The following ASIC2 variants were observed in gnomAD, a reference collection of about 807,000 sequenced individuals.
The protein encoded by ASIC2 is acid-sensing ion channel 2.
In ASIC2, 25 loss-of-function variants were observed where a neutral mutation model predicts 57.3. That is an observed-to-expected ratio of 0.44 (90% CI 0.32 to 0.61). The LOEUF (loss-of-function observed/expected upper bound fraction) is 0.61, where lower values mean the gene tolerates loss of function less well. Among genes scored for constraint, ASIC2 ranks in the 20% least tolerant of loss-of-function variants. The probability of loss-of-function intolerance (pLI) is 0.06; values close to 1 mark genes in which losing one functional copy is unlikely to be tolerated. For synonymous variants in ASIC2, 319 were observed against 307.5 expected, an observed-to-expected ratio of 1.04 and a Z score of -0.39; for missense variants, 641 against 738.1, an observed-to-expected ratio of 0.87 and a Z score of 1.52.
chr17:33,652,721 G>A (rs1906956859), intron 1 of ASIC2, among the ~76,000 whole-genome samples: 2 of 152,334 alleles, frequency 1.3e-5, no homozygotes, highest in East Asian at 3.9e-4. Flanking sequence ...GATGGGAGGA[G>A]ACCGTTCTTC....
At chr17:33,123,470 G>T (rs1181913490) in intron 1 of ASIC2, among the ~76,000 whole-genome samples, 2 of 152,168 alleles carry the variant, frequency 1.3e-5, no homozygotes, top group East Asian at 1.9e-4. Flanking sequence ...ATAGTAGAAT[G>T]GTGGTTGCCA....
intron 1 of ASIC2, among the ~76,000 whole-genome samples, chr17:33,805,347 CA>C (rs1479845431): frequency 2.6e-5 from 4 of 152,214 alleles, no homozygotes; most frequent in Non-Finnish European, 2.9e-5. Context: ...AGGTGAAACC[CA>C]AAGAAGGGGG....
At chr17:33,017,509 A>C in intron 8 of ASIC2, 96 bp downstream of exon 8, 1 of 992,250 alleles carries the variant, frequency 1.0e-6, no homozygotes, top group South Asian at 1.6e-5. Flanking sequence ...CTGCATGGAG[A>C]GAGGCACCGC....
chr17:33,095,720 GCTGGGCAGGGGCAGCAAAGT>G (rs1201968773), intron 2 of ASIC2, among the ~76,000 whole-genome samples: 1 of 152,236 alleles, frequency 6.6e-6, no homozygotes, highest in Non-Finnish European at 1.5e-5. Flanking sequence ...GTGCATGGGG[GCTGGGCAGGGGCAGCAAAGT>G]CTGCCTGGAC....
intron 1 of ASIC2, among the ~76,000 whole-genome samples, chr17:33,599,703 G>A (rs1290233872): frequency 2.6e-5 from 4 of 152,186 alleles, no homozygotes; most frequent in Non-Finnish European, 4.4e-5. Flanking sequence ...AAACAGAGCA[G>A]TGGAAGAGAA....
At chr17:33,255,891 G>C (rs2142138243) in intron 1 of ASIC2, among the ~76,000 whole-genome samples, 1 of 152,212 alleles carries the variant, frequency 6.6e-6, no homozygotes, top group East Asian at 1.9e-4. Context: ...TTGCAAGAAT[G>C]CTACAAATAA....
At chr17:34,093,680 C>G (rs1910415958) in intron 1 of ASIC2, among the ~76,000 whole-genome samples, 1 of 152,212 alleles carries the variant, frequency 6.6e-6, no homozygotes, top group Non-Finnish European at 1.5e-5. Flanking sequence ...ACTTAACTTG[C>G]AATTATCTCT....
At chr17:33,851,580 G>A (rs1738997093) in intron 1 of ASIC2, among the ~76,000 whole-genome samples, 1 of 152,214 alleles carries the variant, frequency 6.6e-6, no homozygotes, top group Non-Finnish European at 1.5e-5. Flanking sequence ...TCTAGAAGAT[G>A]CAGGAAAGGA....
chr17:34,029,860 G>A (rs137932155), intron 1 of ASIC2, among the ~76,000 whole-genome samples: 8 of 152,138 alleles, frequency 5.3e-5, no homozygotes, highest in South Asian at 4.1e-4. Flanking sequence ...GGCAGCCTGA[G>A]CAGACTGAGA....
rs1371179877 is a variant in ASIC2 at position 33,292,577 on chromosome 17, C to A, written c.-462G>T. On this transcript the variant is annotated 5_prime_UTR_variant, in exon 1 of 10. Coordinates refer to ENST00000225823, the MANE Select transcript of ASIC2 (RefSeq NM_183377.2). ...TGGTCCTGGGAGAAGGGCCACTCGG[C>A]CACCATGCCTGATCTGGACATCCCC... 1 of 985,818 alleles carries A rather than the reference C, an allele frequency of 1.0e-6. No individual in the cohort carries two copies. 61.1% of individuals were successfully genotyped at this position (985,818 alleles called of 1,614,324 possible). A position where few individuals can be genotyped will look rare whatever the true frequency, so the allele number is the denominator to read the frequency against.
intron 1 of ASIC2, among the ~76,000 whole-genome samples, chr17:33,899,047 T>C (rs149430404): frequency 6.6e-6 from 1 of 150,534 alleles, no homozygotes; most frequent in African/African-American, 2.4e-5. Flanking sequence ...AAATCTGAGT[T>C]AAAGCTCTAA....
At chr17:34,125,940 C>T (rs904931832) in intron 1 of ASIC2, among the ~76,000 whole-genome samples, 6 of 152,206 alleles carry the variant, frequency 3.9e-5, no homozygotes, top group Non-Finnish European at 8.8e-5. Context: ...CCCCCATCCA[C>T]GTCACTCCCC....
chr17:33,268,387 A>G (rs996913608), intron 1 of ASIC2, among the ~76,000 whole-genome samples: 2 of 151,632 alleles, frequency 1.3e-5, no homozygotes, highest in Non-Finnish European at 2.9e-5. Context: ...CCATCCATCC[A>G]TCCATCTATA....
intron 1 of ASIC2, among the ~76,000 whole-genome samples, chr17:33,516,104 C>CCAAAA (rs111917283): frequency 0.12 from 16,727 of 144,528 alleles, 1,084 homozygotes; most frequent in Non-Finnish European, 0.15. Flanking sequence ...GATTCTGTCT[C>CCAAAA]CAAAACAAAA....
At chr17:34,132,420 A>G (rs9915666) in intron 1 of ASIC2, among the ~76,000 whole-genome samples, 21,675 of 151,966 alleles carry the variant, frequency 0.14, 1,944 homozygotes, top group African/African-American at 0.26. Context: ...AGCCGGGTGG[A>G]GGCCAGCTTT....
At chr17:33,453,802 C>T (rs1372642936) in intron 1 of ASIC2, among the ~76,000 whole-genome samples, 1 of 152,140 alleles carries the variant, frequency 6.6e-6, no homozygotes, top group African/African-American at 2.4e-5. Context: ...CATGCCATAC[C>T]CAGACAGCCA....
chr17:34,013,585 G>A (rs1906846793), intron 1 of ASIC2, among the ~76,000 whole-genome samples: 3 of 152,324 alleles, frequency 2.0e-5, no homozygotes, highest in Admixed American at 2.0e-4. Context: ...GGGGCTTCAG[G>A]GCTAGGTGGC....
rs139485579 is a variant in ASIC2, at chr17:33,114,107, C to T, written c.709-2040G>A. ...GTAGTGAAACATCTATGTTTTTCCTCACTATACGAAACAGCTCTGAGTCCC... is the reference window on the plus strand; with the variant it reads ...GTAGTGAAACATCTATGTTTTTCCTTACTATACGAAACAGCTCTGAGTCCC... On this transcript the variant is annotated intron_variant, in intron 1 of 9. Transcript: ENST00000225823. 5.1e-3 allele frequency among the ~76,000 whole-genome samples: 780 copies of T among 152,336 alleles called. 7 individuals are homozygous for T. The highest frequency in any genetic ancestry group is 0.018 in the African/African-American group (731 of 41,582).
chr17:33,801,833 A>G (rs889630711), intron 1 of ASIC2, among the ~76,000 whole-genome samples: 6 of 152,320 alleles, frequency 3.9e-5, no homozygotes, highest in South Asian at 2.1e-4. Flanking sequence ...CTCAATACCC[A>G]CAGGTGCCTA....
Sources: gnomAD v4.1 joint callset for allele counts (sites outside exome capture counted in the v4.1 genomes callset) on GRCh38, gnomAD v4.1.1 for gene constraint, MANE v1.5 for transcripts, NCBI Gene and HGNC (gene_info 2026-07-23, HGNC 2026-07-21) for gene names.